Variants in NGF observed in about 807,000 individuals in gnomAD.
NGF encodes the protein nerve growth factor, also known as beta-nerve growth factor.
NGF carries 4 observed loss-of-function variants against 12.8 expected under a neutral mutation model. The ratio of observed to expected loss-of-function variants is 0.31; its 90% CI spans 0.15 to 0.72. The LOEUF is 0.72. Among genes scored for constraint, NGF ranks in the 30% least tolerant of loss-of-function variants. The pLI, the probability that NGF is intolerant of heterozygous loss-of-function variation, is 0.69. For synonymous variants in NGF, 140 were observed against 130.0 expected (o/e 1.08, Z -0.52); for missense variants, 283 against 330.8 (o/e 0.86, Z 1.12).
At chr1:115,324,248 C>T (rs1244308454) in intron 1 of NGF, among the ~76,000 whole-genome samples, 1 of 152,156 alleles carries the variant, frequency 6.6e-6, no homozygotes, top group Admixed American at 6.5e-5. Context: ...CTGGAACTAA[C>T]TGTGTGTGTC....
At chr1:115,321,433 T>C (rs1654622256) in intron 1 of NGF, among the ~76,000 whole-genome samples, 1 of 152,184 alleles carries the variant, frequency 6.6e-6, no homozygotes, top group African/African-American at 2.4e-5. Flanking sequence ...TTTGCATTTA[T>C]TATAAACAAA....
chr1:115,299,783 G>T (rs903770543), intron 1 of NGF, among the ~76,000 whole-genome samples: 1 of 152,068 alleles, frequency 6.6e-6, no homozygotes, highest in East Asian at 1.9e-4. Context: ...GTTCCAACTG[G>T]CTAATCCTTA....
At chr1:115,323,661 A>G (rs1020252563) in intron 1 of NGF, among the ~76,000 whole-genome samples, 1 of 152,252 alleles carries the variant, frequency 6.6e-6, no homozygotes, top group African/African-American at 2.4e-5. Flanking sequence ...ATCACTCTGT[A>G]GACCTTGTAA....
At chr1:115,307,518 T>TA (rs1258425009) in intron 1 of NGF, among the ~76,000 whole-genome samples, 4 of 152,214 alleles carry the variant, frequency 2.6e-5, no homozygotes, top group East Asian at 1.9e-4. Flanking sequence ...CAAGCAGACT[T>TA]ACAGTACTCA....
intron 1 of NGF, among the ~76,000 whole-genome samples, chr1:115,337,899 A>C (rs1377406202): frequency 1.3e-5 from 2 of 152,116 alleles, no homozygotes; most frequent in South Asian, 4.1e-4. Context: ...AGACCCTGGC[A>C]TGGCCGTGGG....
At chr1:115,310,837 A>G (rs1654317202) in intron 1 of NGF, among the ~76,000 whole-genome samples, 1 of 150,384 alleles carries the variant, frequency 6.6e-6, no homozygotes, top group Non-Finnish European at 1.5e-5. Flanking sequence ...GGTTGTGTTT[A>G]TCCCAGGCAT....
intron 1 of NGF, among the ~76,000 whole-genome samples, chr1:115,299,956 A>G (rs1460511330): frequency 6.6e-6 from 1 of 152,226 alleles, no homozygotes; most frequent in Non-Finnish European, 1.5e-5. Flanking sequence ...GCATGTAATC[A>G]TAACAGCACC....
intron 2 of NGF, among the ~76,000 whole-genome samples, chr1:115,288,390 A>C (rs1476403363): frequency 1.3e-5 from 2 of 152,190 alleles, no homozygotes; most frequent in East Asian, 1.9e-4. Flanking sequence ...AAAAAACACT[A>C]TCTCCCAGAG....
chr1:115,292,075 C>T (rs1653719685), intron 2 of NGF, among the ~76,000 whole-genome samples: 1 of 152,130 alleles, frequency 6.6e-6, no homozygotes. Flanking sequence ...TTGTTTTACG[C>T]TTGGCCTTCA....
At chr1:115,322,125 C>A (rs1207174924) in intron 1 of NGF, among the ~76,000 whole-genome samples, 3 of 152,196 alleles carry the variant, frequency 2.0e-5, no homozygotes, top group African/African-American at 4.8e-5. Flanking sequence ...CTACAATTTG[C>A]TTCTCCCCAA....
intron 1 of NGF, among the ~76,000 whole-genome samples, chr1:115,334,762 C>G (rs1254145191): frequency 6.6e-6 from 1 of 152,160 alleles, no homozygotes; most frequent in Non-Finnish European, 1.5e-5. Flanking sequence ...GGAGGTGAGG[C>G]AGGAATACTA....
chr1:115,286,748 T>C lies in NGF; in HGVS notation c.48A>G (p.Ile16Met). Reference protein sequence around the residue: ...YTLITAFLIGIQAEPHSESNV... With the variant: ...YTLITAFLIGMQAEPHSESNV... Reference sequence around the variant, plus strand: ...TGCTCTCTGAGTGTGGTTCCGCCTGTATGCCGATCAGAAAAGCTGTGATCA... The same window carrying C: ...TGCTCTCTGAGTGTGGTTCCGCCTGCATGCCGATCAGAAAAGCTGTGATCA... Residue 16 changes from isoleucine to methionine, a missense_variant, in exon 3 of 3, where the codon ATA (isoleucine) becomes ATG (methionine). This residue lies in a region of NGF where 151 missense variants were observed against 141.6 expected (regional missense o/e 1.07). Transcript: ENST00000369512. 6.2e-7 allele frequency: 1 copy of C among 1,614,154 alleles called. No individual in the cohort carries two copies. The highest frequency in any genetic ancestry group is 8.5e-7 in the Non-Finnish European group (1 of 1,180,032).
intron 1 of NGF, among the ~76,000 whole-genome samples, chr1:115,315,043 A>G (rs1022462426): frequency 2.0e-5 from 3 of 152,192 alleles, no homozygotes; most frequent in African/African-American, 7.2e-5. Flanking sequence ...GGCCAGTGTG[A>G]GGTCCTGAGG....
At chr1:115,295,346 A>C (rs1216356716) in intron 1 of NGF, among the ~76,000 whole-genome samples, 6 of 152,208 alleles carry the variant, frequency 3.9e-5, no homozygotes, top group Non-Finnish European at 8.8e-5. Context: ...AAAACCTTTC[A>C]ATACTCAATT....
At chr1:115,331,958 C>A (rs1046147146) in intron 1 of NGF, among the ~76,000 whole-genome samples, 3 of 152,230 alleles carry the variant, frequency 2.0e-5, no homozygotes, top group Admixed American at 2.0e-4. Flanking sequence ...GGACAATCTT[C>A]CCCTTTAACC....
At chr1:115,290,657 G>A (rs890562631) in intron 2 of NGF, among the ~76,000 whole-genome samples, 1 of 152,112 alleles carries the variant, frequency 6.6e-6, no homozygotes, top group South Asian at 2.1e-4. Flanking sequence ...CTCCCAAAGT[G>A]TTGGGATTAT....
intron 2 of NGF, among the ~76,000 whole-genome samples, chr1:115,293,308 C>T (rs6698675): frequency 0.013 from 2,031 of 152,262 alleles, 53 homozygotes; most frequent in African/African-American, 0.046. Context: ...CCTGCTCAGT[C>T]GGACCAGAGA....
At chr1:115,301,302 C>T (rs991292144) in intron 1 of NGF, among the ~76,000 whole-genome samples, 1 of 152,154 alleles carries the variant, frequency 6.6e-6, no homozygotes, top group African/African-American at 2.4e-5. Flanking sequence ...CCGCACTTCT[C>T]AATCTTTAGC....
intron 1 of NGF, among the ~76,000 whole-genome samples, chr1:115,337,222 A>G (rs1655132757): frequency 6.7e-6 from 1 of 148,540 alleles, no homozygotes; most frequent in Admixed American, 6.7e-5. Flanking sequence ...TTCAAGCACG[A>G]AACACCTTCC....
Sources: gnomAD v4.1 joint callset for allele counts (sites outside exome capture counted in the v4.1 genomes callset) on GRCh38, gnomAD v4.1.1 for gene constraint, gnomAD v4.1.1 regional missense constraint, MANE v1.5 for transcripts, NCBI Gene and HGNC (gene_info 2026-07-23, HGNC 2026-07-21) for gene names.